NOSTRIN: variants seen among roughly 807,000 people sequenced by gnomAD.
NOSTRIN encodes BM247 homolog.
Under a neutral mutation model 59.0 loss-of-function variants are expected in NOSTRIN, and 63 were observed. The observed-to-expected ratio is 1.07, with a 90% CI of 0.87 to 1.32. NOSTRIN has a LOEUF of 1.32. NOSTRIN is among the 40% of genes most tolerant of loss of function. The pLI is 0.00. For synonymous variants in NOSTRIN, 200 were observed against 165.4 expected (o/e 1.21, Z -1.61); for missense variants, 512 against 473.1 (o/e 1.08, Z -0.76).
At chr2:168,804,707 G>A (rs142878982) in intron 1 of NOSTRIN, among the ~76,000 whole-genome samples, 2 of 151,996 alleles carry the variant, frequency 1.3e-5, no homozygotes, top group African/African-American at 4.8e-5. Context: ...GTTCTTAACC[G>A]GGCCCACACC....
chr2:168,860,231 C>CTATT (rs1689354073), intron 13 of NOSTRIN, among the ~76,000 whole-genome samples: 1 of 152,158 alleles, frequency 6.6e-6, no homozygotes, highest in Non-Finnish European at 1.5e-5. Flanking sequence ...ATGAATATTA[C>CTATT]TATTTGACCT....
intron 2 of NOSTRIN, among the ~76,000 whole-genome samples, chr2:168,791,968 G>T (rs912378843): frequency 1.3e-5 from 2 of 152,052 alleles, no homozygotes; most frequent in Non-Finnish European, 2.9e-5. Flanking sequence ...CTTTTGCTGT[G>T]CAGAAGCTCT....
chr2:168,837,511 G>A (rs1030089843), intron 7 of NOSTRIN, among the ~76,000 whole-genome samples: 3 of 151,738 alleles, frequency 2.0e-5, no homozygotes, highest in South Asian at 2.1e-4. Context: ...GGATTTCACC[G>A]AGTTAGCTAG....
chr2:168,849,409 G>A (rs1688614746), intron 8 of NOSTRIN, among the ~76,000 whole-genome samples: 1 of 151,786 alleles, frequency 6.6e-6, no homozygotes, highest in Admixed American at 6.6e-5. Flanking sequence ...AGGCTGGAGT[G>A]CAGTGGCATG....
At chr2:168,839,646 G>A (rs1173402433) in intron 7 of NOSTRIN, among the ~76,000 whole-genome samples, 1 of 152,034 alleles carries the variant, frequency 6.6e-6, no homozygotes, top group Non-Finnish European at 1.5e-5. Context: ...GGGCGCAGTG[G>A]CTCAGGCCTA....
chr2:168,791,674 G>A (rs1189682536), intron 2 of NOSTRIN, among the ~76,000 whole-genome samples: 2 of 152,108 alleles, frequency 1.3e-5, no homozygotes, highest in Non-Finnish European at 2.9e-5. Flanking sequence ...ACTTTTTAAT[G>A]ATCACCATTC....
intron 2 of NOSTRIN, among the ~76,000 whole-genome samples, chr2:168,816,693 G>A (rs944446694): frequency 5.3e-5 from 8 of 152,170 alleles, no homozygotes; most frequent in Non-Finnish European, 1.0e-4. Context: ...TAGAATTAGT[G>A]CTTGCATCTG....
intron 1 of NOSTRIN, among the ~76,000 whole-genome samples, chr2:168,804,908 T>C (rs780271657): frequency 2.6e-5 from 4 of 152,176 alleles, no homozygotes; most frequent in Non-Finnish European, 4.4e-5. Context: ...AATTTTATGA[T>C]AACATTACAG....
chr2:168,817,669 C>T (rs2461362), intron 2 of NOSTRIN, among the ~76,000 whole-genome samples: 11,196 of 152,224 alleles, frequency 0.074, 493 homozygotes, highest in Non-Finnish European at 0.1. Context: ...CTAGAGCTGC[C>T]ATTGCTTACG....
chr2:168,804,151 G>C (rs918124508), intron 1 of NOSTRIN, among the ~76,000 whole-genome samples: 1 of 152,148 alleles, frequency 6.6e-6, no homozygotes, highest in African/African-American at 2.4e-5. Context: ...CCTTTTTGTA[G>C]ACAGCAAAGT....
intron 1 of NOSTRIN, among the ~76,000 whole-genome samples, chr2:168,803,676 ATAG>A (rs1206667272): frequency 6.6e-6 from 1 of 152,246 alleles, no homozygotes; most frequent in Non-Finnish European, 1.5e-5. Flanking sequence ...TAATGACAAC[ATAG>A]TAGCCAATTC....
At chr2:168,860,709 A>T in intron 13 of NOSTRIN, 86 bp from the exon 14 acceptor site, 3 of 827,542 alleles carry the variant, frequency 3.6e-6, no homozygotes, top group Non-Finnish European at 5.8e-6. Context: ...AAACAACTTG[A>T]GGAAAACAGC....
chr2:168,787,905 C>G (rs950238184), exon 2 of NOSTRIN: 5 of 151,998 alleles, frequency 3.3e-5, no homozygotes, highest in Non-Finnish European at 5.9e-5. Context: ...CTTGGTCTTA[C>G]AGCCAGAAAG....
chr2:168,845,790 CTT>C (rs3216710), intron 8 of NOSTRIN, among the ~76,000 whole-genome samples: 8 of 140,604 alleles, frequency 5.7e-5, no homozygotes, highest in East Asian at 2.1e-4. Context: ...TTTTTTCTTC[CTT>C]TTTTTTTTTT....
At chr2:168,846,270 G>A (rs13383882) in intron 8 of NOSTRIN, among the ~76,000 whole-genome samples, 2,180 of 152,278 alleles carry the variant, frequency 0.014, 50 homozygotes, top group African/African-American at 0.049. Flanking sequence ...TATTATAAGT[G>A]TGAGAGATGG....
chr2:168,855,200 ATG>A (rs899328442), intron 10 of NOSTRIN, 150 bp from the exon 11 acceptor site: 4 of 475,836 alleles, frequency 8.4e-6, no homozygotes, highest in African/African-American at 8.1e-5. Flanking sequence ...AGGTAGAACA[ATG>A]TGTGTAAAAC....
intron 1 of NOSTRIN, among the ~76,000 whole-genome samples, chr2:168,787,327 T>G (rs145439677): frequency 1.4e-4 from 21 of 152,306 alleles, no homozygotes; most frequent in African/African-American, 5.1e-4. Context: ...TGTCTCAGAA[T>G]GTGCCATGCC....
At chr2:168,834,484 C>T (rs900014896) in intron 7 of NOSTRIN, among the ~76,000 whole-genome samples, 159 bp downstream of exon 7, 9 of 139,168 alleles carry the variant, frequency 6.5e-5, no homozygotes, top group East Asian at 2.3e-4. Flanking sequence ...CAAATCATTA[C>T]TGGCGTGCGC....
upstream of NOSTRIN, chr2:168,798,168 G>A (rs569656732): frequency 2.6e-5 from 4 of 152,118 alleles, no homozygotes; most frequent in South Asian, 2.1e-4. Flanking sequence ...CAGAACCCAG[G>A]GATATGGAGA....
Sources: allele counts gnomAD v4.1 joint callset (sites outside exome capture counted in the v4.1 genomes callset), GRCh38; gene constraint gnomAD v4.1.1; transcripts MANE v1.5; gene names NCBI Gene and HGNC (gene_info 2026-07-23, HGNC 2026-07-21).